Variants in KIFAP3 observed in about 807,000 individuals in gnomAD.
The protein encoded by KIFAP3 is kinesin associated protein 3, also known as kinesin-associated protein 3.
In KIFAP3, 68 loss-of-function variants were observed where a neutral mutation model predicts 106.5. The observed-to-expected ratio is 0.64, with a 90% confidence interval of 0.53 to 0.78. KIFAP3 has a LOEUF of 0.78. KIFAP3 is among the 30% of genes least tolerant of loss of function. KIFAP3 has a pLI of 0.00. For missense variants in KIFAP3, 780 were observed against 941.8 expected (o/e 0.83, Z 2.25); for synonymous variants, 320 against 311.5 (o/e 1.03, Z -0.29).
rs572925920 is a variant in KIFAP3 at position 169,981,906 on chromosome 1, A to G, written c.1798+66T>C. 1.3e-5 allele frequency: 17 copies of G among 1,277,288 alleles called. No individual in the cohort carries two copies. The East Asian group carries it at 3.8e-4, about 29-fold the overall frequency. The allele number at this position is 1,277,288 out of a possible 1,614,324, so 79.1% of individuals were successfully genotyped here. A position where few individuals can be genotyped will look rare whatever the true frequency, so the allele number is the denominator to read the frequency against. On this transcript the variant is annotated intron_variant, in intron 15 of 19. Transcript: ENST00000361580. The stretch of plus-strand genomic sequence containing the variant: ...AAACAGATTACAGACTCTGCATTTT[A>G]TATTTAAATATTTAAATCAATAAGC...
intron 17 of KIFAP3, among the ~76,000 whole-genome samples, chr1:169,963,420 T>C (rs1665438211): frequency 6.6e-6 from 1 of 152,220 alleles, no homozygotes; most frequent in Non-Finnish European, 1.5e-5. Flanking sequence ...AACATGCATG[T>C]GCATGTCTCT....
At chr1:170,067,898 G>C (rs1671524987) in intron 1 of KIFAP3, 1 of 152,154 alleles carries the variant, frequency 6.6e-6, no homozygotes, top group Non-Finnish European at 1.5e-5. Context: ...GAGAAATCTA[G>C]AAATCCATGA....
At position 169,983,332 on chromosome 1, in the gene KIFAP3, A is replaced by G; in HGVS notation, c.1444T>C (p.Leu482=). ...MKRALKFKDP[L]LMKMIRNISQ... ...ATGTTTCTAATCATTTTCATCAGCA[A>G]TGGATCCTTAAACTTCAGAGCCCTC... The change falls in exon 13 of 20, where the codon TTG becomes CTG. Residue 482 remains leucine (L), a synonymous_variant. Transcript: ENST00000361580. The G allele has an allele frequency of 1.2e-6, 2 of 1,609,920 alleles. No individual in the cohort carries two copies. Among genetic ancestry groups the G allele is most frequent in the Non-Finnish European group, 1.7e-6 (2 of 1,177,936 alleles).
chr1:169,942,887 C>T (rs1664208495), intron 19 of KIFAP3, among the ~76,000 whole-genome samples: 1 of 147,618 alleles, frequency 6.8e-6, no homozygotes, highest in African/African-American at 2.5e-5. Context: ...GTCTTAGATA[C>T]TTCCGTAAGC....
At chr1:169,926,775 T>G (rs1663164444) in intron 19 of KIFAP3, among the ~76,000 whole-genome samples, 2 of 152,280 alleles carry the variant, frequency 1.3e-5, no homozygotes, top group South Asian at 4.1e-4. Context: ...TTAGGAATTC[T>G]ATTCTTCCCA....
At chr1:169,983,229 A>C in intron 13 of KIFAP3, 41 bp downstream of exon 13, 1 of 1,140,380 alleles carries the variant, frequency 8.8e-7, no homozygotes, top group Non-Finnish European at 1.3e-6. Context: ...AGCAATTTCA[A>C]TTCCCAGTCT....
chr1:170,028,685 T>A (rs1230519090), intron 8 of KIFAP3, among the ~76,000 whole-genome samples: 1 of 152,122 alleles, frequency 6.6e-6, no homozygotes, highest in African/African-American at 2.4e-5. Context: ...ATGTTAGTAA[T>A]AGCATAGAGT....
At chr1:170,064,297 T>C (rs1218135571) in intron 1 of KIFAP3, among the ~76,000 whole-genome samples, 1 of 152,232 alleles carries the variant, frequency 6.6e-6, no homozygotes, top group Non-Finnish European at 1.5e-5. Context: ...GTTACATAGG[T>C]ATCCTTGGAT....
At chr1:170,017,587 A>G (rs528229031) in intron 9 of KIFAP3, among the ~76,000 whole-genome samples, 129 of 152,080 alleles carry the variant, frequency 8.5e-4, no homozygotes, top group African/African-American at 2.9e-3. Context: ...AGGCTATAAG[A>G]CAGATCTACA....
intron 15 of KIFAP3, 134 bp downstream of exon 15, chr1:169,981,835 TTTC>T: frequency 1.5e-6 from 1 of 667,956 alleles, no homozygotes; most frequent in South Asian, 2.2e-5. Context: ...TTAATTCATT[TTTC>T]TTGATTATAT....
chr1:170,047,576 G>A (rs944585250), intron 2 of KIFAP3, among the ~76,000 whole-genome samples: 5 of 132,454 alleles, frequency 3.8e-5, no homozygotes, highest in East Asian at 2.3e-4. Flanking sequence ...AGCTGAGATC[G>A]CACCATTGTA....
In KIFAP3 at chr1:170,046,790, T is replaced by G. The variant is rs1428696585; in HGVS notation, c.241A>C (p.Ile81Leu). The G allele has an allele frequency of 6.2e-7, 1 of 1,609,792 alleles. No homozygotes were observed. Among genetic ancestry groups the G allele is most frequent in the East Asian group, 2.2e-5 (1 of 44,664 alleles). ...ARKVVEECKL[I>L]HPSKLNEVEQ... ...ACCTCATTTAGTTTTGAAGGATGAA[T>G]GAGTTTACATTCTTCAACCACCTTC... Residue 81 changes from isoleucine (I) to leucine (L), a missense_variant, in exon 3 of 20, where the codon ATT becomes CTT. This residue lies in a region of KIFAP3 where 588 missense variants were observed against 678.9 expected (regional missense o/e 0.87). Transcript: ENST00000361580.
At chr1:170,076,402 A>G (rs1462335577), upstream of KIFAP3, among the ~76,000 whole-genome samples, 1 of 152,202 alleles carries the variant, frequency 6.6e-6, no homozygotes, top group African/African-American at 2.4e-5. Context: ...ACATAGTCAG[A>G]GACTAAGAAG....
At chr1:170,057,682 G>A (rs1484289419) in intron 1 of KIFAP3, among the ~76,000 whole-genome samples, 1 of 151,360 alleles carries the variant, frequency 6.6e-6, no homozygotes, top group African/African-American at 2.4e-5. Context: ...CTTTCAAGCT[G>A]AGTAGCATTC....
intron 1 of KIFAP3, among the ~76,000 whole-genome samples, chr1:170,060,207 A>C (rs1430533698): frequency 6.6e-6 from 1 of 152,158 alleles, no homozygotes; most frequent in Non-Finnish European, 1.5e-5. Context: ...CAATTAGGAA[A>C]AGAGGAAGTC....
At chr1:170,032,076 T>C (rs1669442275) in intron 7 of KIFAP3, 92 bp from the exon 8 acceptor site, 1 of 703,898 alleles carries the variant, frequency 1.4e-6, no homozygotes, top group Non-Finnish European at 2.5e-6. Flanking sequence ...AAATTTTATG[T>C]GCAACTTTAT....
chr1:170,055,893 A>G lies in KIFAP3; in HGVS notation c.33-457T>C, dbSNP rs550517072. ...ACACCTGTAATCCCAGTGACTTGGG[A>G]GACCAACATGGGAGAAACACTTTAG... On this transcript the variant is annotated intron_variant, in intron 1 of 19. Coordinates refer to ENST00000361580, the MANE Select transcript of KIFAP3 (RefSeq NM_014970.4). Among the ~76,000 whole-genome samples the G allele has an allele frequency of 3.9e-5, 6 of 152,260 alleles. No individual in the cohort carries two copies. In the South Asian group the frequency reaches 1.2e-3, roughly 32 times the overall value.
intron 2 of KIFAP3, among the ~76,000 whole-genome samples, chr1:170,047,359 G>A (rs1327188867): frequency 2.0e-5 from 3 of 151,804 alleles, no homozygotes; most frequent in East Asian, 1.9e-4. Context: ...GGTGGTTCAC[G>A]CCTGTAATTC....
chr1:169,962,785 A>G (rs952822338), intron 17 of KIFAP3, among the ~76,000 whole-genome samples: 1 of 152,172 alleles, frequency 6.6e-6, no homozygotes, highest in Non-Finnish European at 1.5e-5. Context: ...GAAGTTTCAC[A>G]TTATCAGCAA....
Sources: allele counts gnomAD v4.1 joint callset (sites outside exome capture counted in the v4.1 genomes callset), GRCh38; gene constraint gnomAD v4.1.1; regional missense constraint gnomAD v4.1.1; transcripts MANE v1.5; gene names NCBI Gene and HGNC (gene_info 2026-07-23, HGNC 2026-07-21).